The following OSBPL10 variants were observed in gnomAD, a reference collection of about 807,000 sequenced individuals.
The protein encoded by OSBPL10 is oxysterol binding protein like 10.
OSBPL10 carries 49 observed loss-of-function variants against 81.7 expected under a neutral mutation model. The ratio of observed to expected loss-of-function variants is 0.60; its 90% CI spans 0.48 to 0.76. The LOEUF is 0.76. Ranked by LOEUF, OSBPL10 falls within the 30% of genes least tolerant of loss-of-function variation. OSBPL10 has a pLI of 0.00. For synonymous variants in OSBPL10, 419 were observed against 383.6 expected (o/e 1.09, Z -1.08); for missense variants, 923 against 987.8 (o/e 0.93, Z 0.88).
At chr3:31,767,294 T>C (rs1346432261) in intron 4 of OSBPL10, among the ~76,000 whole-genome samples, 3 of 152,166 alleles carry the variant, frequency 2.0e-5, no homozygotes, top group African/African-American at 7.2e-5. Context: ...ACTAAGCCAG[T>C]GAGAAAAAAA....
chr3:31,799,236 A>G (rs950148547), intron 4 of OSBPL10, among the ~76,000 whole-genome samples: 1 of 152,130 alleles, frequency 6.6e-6, no homozygotes, highest in Non-Finnish European at 1.5e-5. Flanking sequence ...GACCAAACAG[A>G]GTAATCAAGC....
chr3:31,712,015 G>A (rs1264984777), intron 6 of OSBPL10, among the ~76,000 whole-genome samples: 2 of 152,088 alleles, frequency 1.3e-5, no homozygotes, highest in Non-Finnish European at 2.9e-5. Context: ...TCACCAAAGA[G>A]GAGCACTTAA....
intron 1 of OSBPL10, among the ~76,000 whole-genome samples, chr3:32,055,067 G>A (rs1428063566): frequency 6.6e-6 from 1 of 152,032 alleles, no homozygotes; most frequent in Non-Finnish European, 1.5e-5. Context: ...TCAAGAACAG[G>A]AGTTAACTGC....
At chr3:32,005,164 C>T (rs144942819) in intron 2 of OSBPL10, among the ~76,000 whole-genome samples, 4 of 152,206 alleles carry the variant, frequency 2.6e-5, no homozygotes, top group East Asian at 1.9e-4. Flanking sequence ...CACCCATCAA[C>T]GCGTCATCTA....
At chr3:31,772,639 T>C (rs1181744584) in intron 4 of OSBPL10, among the ~76,000 whole-genome samples, 1 of 152,182 alleles carries the variant, frequency 6.6e-6, no homozygotes, top group Non-Finnish European at 1.5e-5. Context: ...CTCTATCCTC[T>C]GGTCATCTCC....
intron 1 of OSBPL10, among the ~76,000 whole-genome samples, chr3:31,911,127 A>G (rs1696564040): frequency 6.6e-6 from 1 of 152,200 alleles, no homozygotes; most frequent in African/African-American, 2.4e-5. Context: ...TAAAGAAGAC[A>G]CAGGGCCAGG....
intron 6 of OSBPL10, among the ~76,000 whole-genome samples, chr3:31,715,085 C>G (rs999422144): frequency 6.6e-6 from 1 of 152,134 alleles, no homozygotes; most frequent in African/African-American, 2.4e-5. Flanking sequence ...CTTCCCCTCC[C>G]CTCCTAAACT....
intron 2 of OSBPL10, among the ~76,000 whole-genome samples, chr3:32,036,088 C>T (rs898812405): frequency 1.3e-5 from 2 of 152,192 alleles, no homozygotes; most frequent in African/African-American, 4.8e-5. Context: ...TGCTTTGTCA[C>T]CTAGGCTGGG....
intron 3 of OSBPL10, among the ~76,000 whole-genome samples, chr3:31,834,464 A>T (rs1444855688): frequency 6.6e-6 from 1 of 152,196 alleles, no homozygotes; most frequent in Non-Finnish European, 1.5e-5. Flanking sequence ...GACAGCAAAA[A>T]AGAGTGTGGG....
intron 3 of OSBPL10, among the ~76,000 whole-genome samples, chr3:31,833,395 T>C (rs1391020641): frequency 1.3e-5 from 2 of 152,190 alleles, no homozygotes; most frequent in African/African-American, 4.8e-5. Context: ...ATAATAATAT[T>C]GACCCTTAAA....
intron 7 of OSBPL10, among the ~76,000 whole-genome samples, chr3:31,688,279 T>TCACACACACACACACA (rs879415490): frequency 1.3e-5 from 1 of 77,780 alleles, no homozygotes; most frequent in African/African-American, 3.3e-5. Context: ...TCTCTCTCTC[T>TCACACACACACACACA]CTCTCACACA....
intron 11 of OSBPL10, chr3:31,663,046 T>C: frequency 1.0e-6 from 1 of 984,166 alleles, no homozygotes; most frequent in Non-Finnish European, 1.2e-6. Context: ...GGCTTCCTGC[T>C]CTTCCTGCTC....
chr3:31,691,251 A>C (rs7649547), intron 7 of OSBPL10, among the ~76,000 whole-genome samples: 116,627 of 152,120 alleles, frequency 0.77, 48,815 homozygotes, highest in East Asian at 0.92. Flanking sequence ...TCAATCTAAA[A>C]GTAAATAACC....
intron 4 of OSBPL10, among the ~76,000 whole-genome samples, chr3:31,818,423 TTCTC>T (rs888949629): frequency 3.9e-5 from 6 of 152,156 alleles, no homozygotes; most frequent in South Asian, 2.1e-4. Flanking sequence ...TAAAACAAAC[TTCTC>T]TCTCTGTGTG....
At chr3:31,961,396 C>T (rs923021428) in intron 1 of OSBPL10, among the ~76,000 whole-genome samples, 3 of 152,106 alleles carry the variant, frequency 2.0e-5, no homozygotes, top group Admixed American at 2.0e-4. Context: ...TTTTAGTAGA[C>T]AGATACTATT....
At chr3:31,790,127 C>G (rs1698974151) in intron 4 of OSBPL10, among the ~76,000 whole-genome samples, 1 of 152,168 alleles carries the variant, frequency 6.6e-6, no homozygotes, top group Non-Finnish European at 1.5e-5. Flanking sequence ...AAAAATTAGA[C>G]ATGACCGATA....
rs765231350 is a variant in OSBPL10 at position 31,670,826 on chromosome 3, C to T, written c.1884G>A (p.Thr628=). 13 of 1,613,914 alleles carry T rather than the reference C, an allele frequency of 8.1e-6. No homozygotes were observed. The South Asian group carries it at 9.9e-5, about 12-fold the overall frequency. The change falls in exon 9 of 12, where the codon ACG becomes ACA. Residue 628 remains threonine, a synonymous_variant. Coordinates refer to ENST00000396556, the MANE Select transcript of OSBPL10 (RefSeq NM_017784.5). ...TGYSATVIFH[T]KPFYGGKVHR... ...GGACTTTCCCTCCATAGAAAGGCTT[C>T]GTGTGGAATATCACTGTCGCTGAGT...
chr3:31,877,528 T>C (rs1463108655), intron 2 of OSBPL10, among the ~76,000 whole-genome samples: 1 of 151,420 alleles, frequency 6.6e-6, no homozygotes, highest in Admixed American at 6.6e-5. Flanking sequence ...TTTAATCACA[T>C]AAATAACTGC....
chr3:31,797,240 T>A (rs7640372), intron 4 of OSBPL10, among the ~76,000 whole-genome samples: 29 of 152,242 alleles, frequency 1.9e-4, no homozygotes, highest in African/African-American at 6.7e-4. Flanking sequence ...TGATCCGGCC[T>A]CTTCGGCCTC....
Sources: gnomAD v4.1 joint callset for allele counts (sites outside exome capture counted in the v4.1 genomes callset) on GRCh38, gnomAD v4.1.1 for gene constraint, MANE v1.5 for transcripts, NCBI Gene and HGNC (gene_info 2026-07-23, HGNC 2026-07-21) for gene names.